MACROH2A1: variants seen among roughly 807,000 people sequenced by gnomAD.
The protein encoded by MACROH2A1 is macroH2A.1 histone, also known as core histone macro-H2A.1.
MACROH2A1 carries 2 observed loss-of-function variants against 31.6 expected under a neutral mutation model. That is an observed-to-expected ratio of 0.06 (90% CI 0.03 to 0.20). MACROH2A1 has a LOEUF of 0.20. Among genes scored for constraint, MACROH2A1 ranks in the 10% least tolerant of loss-of-function variants. The probability of loss-of-function intolerance (pLI) is 1.00; values close to 1 mark genes in which losing one functional copy is unlikely to be tolerated. For missense variants in MACROH2A1, 230 were observed against 474.0 expected, an observed-to-expected ratio of 0.49 and a Z score of 4.78; for synonymous variants, 169 against 189.6, an observed-to-expected ratio of 0.89 and a Z score of 0.89.
intron 8 of MACROH2A1, chr5:135,337,968 T>C: frequency 1.6e-6 from 2 of 1,216,146 alleles, no homozygotes; most frequent in East Asian, 1.4e-4. Context: ...GCTATGGGAC[T>C]GTGGCTGCTC....
chr5:135,359,871 T>A, intron 5 of MACROH2A1: 1 of 984,356 alleles, frequency 1.0e-6, no homozygotes, highest in South Asian at 4.7e-5. Context: ...TTGCATCATT[T>A]TTATTTTCAA....
At chr5:135,393,556 A>G (rs531399023) in intron 1 of MACROH2A1, among the ~76,000 whole-genome samples, 4 of 152,380 alleles carry the variant, frequency 2.6e-5, no homozygotes, top group South Asian at 2.1e-4. Context: ...CTTCCTAAGC[A>G]CTCATCACCT....
In MACROH2A1 at chr5:135,379,533, C is replaced by G. The variant is rs2149900541; in HGVS notation, c.172+9389G>C. ...GATTAATACCCTTTGGGTTTGTCTT[C>G]TTGCTAGAGTTTATTTATAGCTCTG... On this transcript the variant is annotated intron_variant, in intron 2 of 8. Transcript: ENST00000511689. 2.0e-5 allele frequency among the ~76,000 whole-genome samples: 3 copies of G among 152,286 alleles called. No individual in the cohort carries two copies. In the South Asian group the frequency reaches 6.2e-4, roughly 32 times the overall value.
chr5:135,358,702 G>T, intron 5 of MACROH2A1: 4 of 931,470 alleles, frequency 4.3e-6, no homozygotes, highest in Non-Finnish European at 5.1e-6. Context: ...AACATTAAAT[G>T]ATATGTTTGT....
At chr5:135,339,036 T>A (rs1759311660) in intron 8 of MACROH2A1, among the ~76,000 whole-genome samples, 1 of 152,178 alleles carries the variant, frequency 6.6e-6, no homozygotes, top group Non-Finnish European at 1.5e-5. Flanking sequence ...TTGTTTCCAC[T>A]CTCTCTTCAG....
At chr5:135,350,668 T>G in intron 6 of MACROH2A1, 1 of 535,520 alleles carries the variant, frequency 1.9e-6, no homozygotes, top group Non-Finnish European at 3.4e-6. Context: ...CTAGCTTTAT[T>G]ACTCAGGTTC....
At chr5:135,350,108 T>A (rs564612074) in intron 6 of MACROH2A1, among the ~76,000 whole-genome samples, 1 of 152,320 alleles carries the variant, frequency 6.6e-6, no homozygotes, top group Admixed American at 6.5e-5. Context: ...GGATATGGCA[T>A]CTCAAGTGCC....
intron 7 of MACROH2A1, chr5:135,344,493 CACAG>C (rs1227321642): frequency 6.6e-6 from 1 of 152,038 alleles, no homozygotes; most frequent in Admixed American, 6.6e-5. Context: ...ACAGCTCAGT[CACAG>C]GGTGTGAATT....
At chr5:135,363,995 T>C (rs1254896883) in intron 4 of MACROH2A1, among the ~76,000 whole-genome samples, 1 of 152,224 alleles carries the variant, frequency 6.6e-6, no homozygotes. Context: ...TCTGTTCATA[T>C]CCTTTGCCCA....
chr5:135,355,927 C>G (rs1173492294), intron 5 of MACROH2A1: 1 of 152,286 alleles, frequency 6.6e-6, no homozygotes, highest in African/African-American at 2.4e-5. Context: ...GTGTGTCCAT[C>G]TGAAGTACAT....
At chr5:135,374,537 G>C in intron 2 of MACROH2A1, among the ~76,000 whole-genome samples, 1 of 152,242 alleles carries the variant, frequency 6.6e-6, no homozygotes, top group East Asian at 1.9e-4. Context: ...AGCAAGGAGG[G>C]CTTTCTCCTA....
chr5:135,345,477 A>G (rs1561580190), intron 7 of MACROH2A1: 1 of 158,178 alleles, frequency 6.3e-6, no homozygotes. Context: ...AGTAAGAAGT[A>G]CCCTGCCTCC....
At chr5:135,352,921 G>A in intron 6 of MACROH2A1, 25 bp downstream of exon 6, 1 of 1,164,890 alleles carries the variant, frequency 8.6e-7, no homozygotes. Flanking sequence ...GACAGCTGGT[G>A]GTGCCGAACC....
chr5:135,397,253 C>T (rs1296650567), intron 1 of MACROH2A1, among the ~76,000 whole-genome samples: 2 of 152,108 alleles, frequency 1.3e-5, no homozygotes, highest in Non-Finnish European at 2.9e-5. Flanking sequence ...GGAAGGAATG[C>T]GAGGCGCTCC....
intron 1 of MACROH2A1, 106 bp from the exon 2 acceptor site, chr5:135,389,232 C>G (rs1319961432): frequency 1.4e-6 from 1 of 730,768 alleles, no homozygotes; most frequent in African/African-American, 1.7e-5. Context: ...CCTGCAGATG[C>G]CACTGTCTGT....
intron 2 of MACROH2A1, among the ~76,000 whole-genome samples, chr5:135,371,914 T>G (rs916392966): frequency 6.6e-6 from 1 of 152,242 alleles, no homozygotes; most frequent in Non-Finnish European, 1.5e-5. Flanking sequence ...GTTAAAAATT[T>G]ACGGTATGAC....
At chr5:135,337,907 G>A in intron 8 of MACROH2A1, 1 of 1,071,710 alleles carries the variant, frequency 9.3e-7, no homozygotes. Context: ...ACCCTTTGTT[G>A]ACAAATCCAT....
intron 1 of MACROH2A1, among the ~76,000 whole-genome samples, chr5:135,397,923 A>G (rs1002014992): frequency 6.6e-6 from 1 of 152,152 alleles, no homozygotes; most frequent in Non-Finnish European, 1.5e-5. Flanking sequence ...CCCCTACTTT[A>G]ACGGTAAAAC....
chr5:135,351,730 G>GT (rs1385135037), intron 6 of MACROH2A1, among the ~76,000 whole-genome samples: 1 of 150,614 alleles, frequency 6.6e-6, no homozygotes, highest in Admixed American at 6.6e-5. Flanking sequence ...GCCCAGCTAA[G>GT]TTTTTTATTT....
Sources: allele counts gnomAD v4.1 joint callset (sites outside exome capture counted in the v4.1 genomes callset), GRCh38; gene constraint gnomAD v4.1.1; transcripts MANE v1.5; gene names NCBI Gene and HGNC (gene_info 2026-07-23, HGNC 2026-07-21).